FTO: variants seen among roughly 807,000 people sequenced by gnomAD.
FTO encodes the protein alpha-ketoglutarate-dependent dioxygenase FTO.
A neutral mutation model predicts 63.9 loss-of-function variants in FTO; 47 were observed. The ratio of observed to expected loss-of-function variants is 0.74; its 90% CI spans 0.58 to 0.94. The LOEUF (loss-of-function observed/expected upper bound fraction) is 0.94, where lower values mean the gene tolerates loss of function less well. FTO is among the 40% of genes least tolerant of loss of function. The probability of loss-of-function intolerance (pLI) is 0.00; values close to 1 mark genes in which losing one functional copy is unlikely to be tolerated. For missense variants in FTO, 562 were observed against 618.1 expected (o/e 0.91, Z 0.96); for synonymous variants, 207 against 224.4 (o/e 0.92, Z 0.69).
At chr16:53,960,443 AG>A in intron 8 of FTO, among the ~76,000 whole-genome samples, 1 of 152,228 alleles carries the variant, frequency 6.6e-6, no homozygotes. Flanking sequence ...CAGCCCCTGA[AG>A]GAGGGAAAGT....
intron 8 of FTO, among the ~76,000 whole-genome samples, chr16:53,986,099 C>G (rs1168629705): frequency 6.6e-6 from 1 of 152,214 alleles, no homozygotes; most frequent in African/African-American, 2.4e-5. Context: ...CATTCCTGCT[C>G]TAAATCCTTT....
chr16:53,889,210 C>T lies in FTO; in HGVS notation c.1239+259C>T, dbSNP rs1426285683. On this transcript the variant is annotated intron_variant, in intron 7 of 8. Coordinates refer to ENST00000471389, the MANE Select transcript of FTO (RefSeq NM_001080432.3). ...AAGTGGTGATAAGAGGATAACAATT[C>T]GAAAATAATATTTAACATTCATTTG... 5.3e-5 allele frequency among the ~76,000 whole-genome samples: 8 copies of T among 152,128 alleles called. No homozygotes were observed. The East Asian group carries it at 7.7e-4, about 15-fold the overall frequency.
intron 8 of FTO, among the ~76,000 whole-genome samples, chr16:54,041,259 G>A (rs2085068424): frequency 6.6e-6 from 1 of 152,048 alleles, no homozygotes; most frequent in South Asian, 2.1e-4. Context: ...AAAGCAAGAC[G>A]GCAGGAGAGG....
chr16:53,753,080 G>A (rs749010458), intron 1 of FTO, among the ~76,000 whole-genome samples: 10 of 151,754 alleles, frequency 6.6e-5, no homozygotes, highest in Non-Finnish European at 5.9e-5. Flanking sequence ...GGGCAACATG[G>A]TGAAACCTTG....
chr16:53,776,050 G>C (rs2077452097), intron 1 of FTO, among the ~76,000 whole-genome samples: 1 of 152,166 alleles, frequency 6.6e-6, no homozygotes, highest in Non-Finnish European at 1.5e-5. Context: ...GGGGGCTGAA[G>C]CGGTACTCTA....
chr16:54,111,388 T>C (rs1374854956), intron 8 of FTO, among the ~76,000 whole-genome samples: 1 of 152,202 alleles, frequency 6.6e-6, no homozygotes, highest in African/African-American at 2.4e-5. Flanking sequence ...TAGTAATACA[T>C]TGAAATCCCA....
Position 54,111,773 on chromosome 16 carries a change from G to A in FTO, c.1376G>A (p.Arg459Gln), listed in dbSNP as rs937565568. ...TTTTACTCTTCCAGGTGCCAGTCAC[G>A]AATTGCCCGAACATTACCTGCTGAT... ...RREWHARCQSRIARTLPADQK... is the reference protein window; with the variant it reads ...RREWHARCQSQIARTLPADQK... The change falls in exon 9 of 9, where the codon CGA (arginine) becomes CAA (glutamine). Residue 459 changes from arginine (R) to glutamine (Q), a missense_variant. Coordinates refer to ENST00000471389, the MANE Select transcript of FTO (RefSeq NM_001080432.3). The A allele has an allele frequency of 6.2e-6, 10 of 1,613,956 alleles. No homozygotes were observed. The African/African-American group carries it at 6.7e-5, about 11-fold the overall frequency.
At chr16:53,856,064 C>T (rs1302951982) in intron 4 of FTO, among the ~76,000 whole-genome samples, 6 of 150,968 alleles carry the variant, frequency 4.0e-5, no homozygotes, top group African/African-American at 1.5e-4. Context: ...GTCTATTGAA[C>T]ATAATTCCCA....
At chr16:54,102,434 G>A (rs2086659762) in intron 8 of FTO, among the ~76,000 whole-genome samples, 1 of 152,038 alleles carries the variant, frequency 6.6e-6, no homozygotes, top group Admixed American at 6.6e-5. Flanking sequence ...CAATCAGCTG[G>A]GCATTGTTTT....
chr16:54,080,319 G>C (rs1324684086), intron 8 of FTO, among the ~76,000 whole-genome samples: 1 of 152,140 alleles, frequency 6.6e-6, no homozygotes, highest in African/African-American at 2.4e-5. Context: ...AAGCTCCTCA[G>C]AAAATATTCT....
chr16:53,781,799 T>C (rs532463679), intron 1 of FTO, among the ~76,000 whole-genome samples: 6 of 101,770 alleles, frequency 5.9e-5, no homozygotes, highest in Non-Finnish European at 9.1e-5. Context: ...CAGCCCTGTT[T>C]GTTTGTTTGT....
At chr16:54,033,796 A>G (rs747292782) in intron 8 of FTO, among the ~76,000 whole-genome samples, 2 of 152,200 alleles carry the variant, frequency 1.3e-5, no homozygotes, top group African/African-American at 2.4e-5. Flanking sequence ...AGGCTGGGCC[A>G]CCGAGCAAGA....
chr16:53,710,407 A>G (rs1294583287), intron 1 of FTO, among the ~76,000 whole-genome samples: 2 of 151,902 alleles, frequency 1.3e-5, no homozygotes, highest in African/African-American at 2.4e-5. Flanking sequence ...CTCAGACTAC[A>G]GACACGTGCC....
chr16:53,846,673 G>A (rs1228100259), intron 4 of FTO, among the ~76,000 whole-genome samples: 4 of 151,768 alleles, frequency 2.6e-5, no homozygotes, highest in Non-Finnish European at 4.4e-5. Context: ...GTGGTGGCAC[G>A]TGCCTGTAAT....
intron 4 of FTO, among the ~76,000 whole-genome samples, chr16:53,862,172 C>T (rs1298822134): frequency 2.0e-5 from 3 of 152,148 alleles, no homozygotes; most frequent in Non-Finnish European, 4.4e-5. Flanking sequence ...CACTTGAACC[C>T]AGCAGGCAGA....
intron 8 of FTO, among the ~76,000 whole-genome samples, chr16:53,983,188 A>T (rs1390545169): frequency 1.3e-5 from 2 of 152,192 alleles, no homozygotes; most frequent in African/African-American, 4.8e-5. Flanking sequence ...CTCCATCCTA[A>T]CGGTAAAAGA....
At chr16:53,815,467 G>A (rs2078648973) in intron 2 of FTO, among the ~76,000 whole-genome samples, 2 of 151,866 alleles carry the variant, frequency 1.3e-5, no homozygotes, top group South Asian at 4.1e-4. Context: ...ATCACTTTCT[G>A]CCTCCGCAGT....
intron 8 of FTO, among the ~76,000 whole-genome samples, chr16:53,968,397 A>G (rs1275130665): frequency 6.6e-6 from 1 of 152,212 alleles, no homozygotes; most frequent in Non-Finnish European, 1.5e-5. Flanking sequence ...TAAGTTTCAT[A>G]TATGAAGATA....
intron 1 of FTO, among the ~76,000 whole-genome samples, chr16:53,788,879 G>A (rs1567987240): frequency 6.6e-6 from 1 of 152,110 alleles, no homozygotes; most frequent in Non-Finnish European, 1.5e-5. Flanking sequence ...CCAGGTGTTT[G>A]AATAAATTAA....
Sources: gnomAD v4.1 joint callset for allele counts (sites outside exome capture counted in the v4.1 genomes callset) on GRCh38, gnomAD v4.1.1 for gene constraint, MANE v1.5 for transcripts, NCBI Gene and HGNC (gene_info 2026-07-23, HGNC 2026-07-21) for gene names.